SCAMP4: variants seen among roughly 807,000 people sequenced by gnomAD.
The protein encoded by SCAMP4 is secretory carrier membrane protein 4.
SCAMP4 carries 19 observed loss-of-function variants against 32.1 expected under a neutral mutation model. The ratio of observed to expected loss-of-function variants is 0.59; its 90% CI spans 0.41 to 0.87. The LOEUF (loss-of-function observed/expected upper bound fraction) is 0.87. SCAMP4 is among the 40% of genes least tolerant of loss of function. The pLI is 0.00. For missense variants in SCAMP4, 302 were observed against 309.0 expected, an observed-to-expected ratio of 0.98 and a Z score of 0.17; for synonymous variants, 152 against 132.7, an observed-to-expected ratio of 1.15 and a Z score of -1.00.
At chr19:1,922,091 A>G in intron 5 of SCAMP4, 2 of 985,442 alleles carry the variant, frequency 2.0e-6, no homozygotes, top group South Asian at 9.4e-5. Context: ...CCTGAATTTT[A>G]AACCCTGTGG....
intron 1 of SCAMP4, chr19:1,912,213 G>C: frequency 1.3e-6 from 2 of 1,592,204 alleles, no homozygotes; most frequent in Non-Finnish European, 1.7e-6. Flanking sequence ...GTCAGGGGAC[G>C]TGGAGCTGGT....
chr19:1,912,520 C>T, intron 1 of SCAMP4: 1 of 1,496,842 alleles, frequency 6.7e-7, no homozygotes. Flanking sequence ...TTCGAGGAGG[C>T]CCGGGCCCAC....
chr19:1,916,602 G>A (rs1053776539), intron 2 of SCAMP4, among the ~76,000 whole-genome samples: 13 of 152,084 alleles, frequency 8.5e-5, no homozygotes, highest in African/African-American at 2.9e-4. Flanking sequence ...GGGACCACAG[G>A]CACGCACCAC....
In SCAMP4 at chr19:1,919,160, C is replaced by T. The variant is rs980050008; in HGVS notation, c.395+170C>T. 62 of 1,439,548 alleles carry T rather than the reference C, an allele frequency of 4.3e-5. No homozygotes were observed. In the African/African-American group the frequency reaches 5.3e-4, roughly 12 times the overall value. The allele number at this position is 1,439,548 out of a possible 1,614,324, so 89.2% of individuals were successfully genotyped here. A position where few individuals can be genotyped will look rare whatever the true frequency, so the allele number is the denominator to read the frequency against. ...CAGCGCCCGCGTCCTCGCCAGCGCCCGCGTCCTCGCCAGCACCCAGCCATG... is the reference window on the plus strand; with the variant it reads ...CAGCGCCCGCGTCCTCGCCAGCGCCTGCGTCCTCGCCAGCACCCAGCCATG... On this transcript the variant is annotated intron_variant, in intron 5 of 6. Coordinates refer to ENST00000316097, the MANE Select transcript of SCAMP4 (RefSeq NM_079834.4).
At chr19:1,920,505 G>A in intron 5 of SCAMP4, 9 of 794,094 alleles carry the variant, frequency 1.1e-5, no homozygotes, top group Non-Finnish European at 1.4e-5. Flanking sequence ...GCACCCCTCG[G>A]ATGTGCCGCT....
chr19:1,913,305 G>A (rs1326342645), intron 1 of SCAMP4: 1 of 1,185,018 alleles, frequency 8.4e-7, no homozygotes, highest in African/African-American at 1.6e-5. Flanking sequence ...CCTTCCGTGC[G>A]GATCGAGCTT....
chr19:1,909,224 G>A (rs1349888994), intron 1 of SCAMP4, among the ~76,000 whole-genome samples: 1 of 152,128 alleles, frequency 6.6e-6, no homozygotes, highest in East Asian at 1.9e-4. Flanking sequence ...TGAGACTGTG[G>A]TTTGGGGGTG....
In SCAMP4 at chr19:1,917,789, G is replaced by T; in HGVS notation, c.103G>T (p.Val35Phe). Residue 35 changes from valine to phenylalanine, a missense_variant, in exon 3 of 7, where the codon GTC becomes TTC. Val to Phe is a conservative substitution (Grantham distance 50). Transcript: ENST00000316097. ...FSDEIPVEHQ[V>F]LVKRIYRLWM... is the part of the protein sequence containing the mutation. ...CGACGAGATCCCAGTGGAGCACCAG[G>T]TCCTGGTGAAGAGGATCTACCGGCT... 1 of 1,614,044 alleles carries T rather than the reference G, an allele frequency of 6.2e-7. No individual in the cohort carries two copies. The highest frequency in any genetic ancestry group is 8.5e-7 in the Non-Finnish European group (1 of 1,179,904).
At chr19:1,921,581 G>A (rs946969218) in intron 5 of SCAMP4, 3 of 985,448 alleles carry the variant, frequency 3.0e-6, no homozygotes, top group Non-Finnish European at 3.6e-6. Context: ...GGCGTGCGAT[G>A]CTGGCCAGTG....
chr19:1,915,754 G>A (rs113187012), intron 2 of SCAMP4, among the ~76,000 whole-genome samples: 16 of 151,958 alleles, frequency 1.1e-4, no homozygotes, highest in Admixed American at 9.8e-4. Context: ...AGACCATCCT[G>A]GCTAACACGG....
At chr19:1,920,894 C>T (rs944916841) in intron 5 of SCAMP4, 11 of 985,254 alleles carry the variant, frequency 1.1e-5, no homozygotes, top group South Asian at 4.7e-5. Context: ...CCTGCCCCCT[C>T]GGCCCTCGTG....
chr19:1,918,089 C>G lies in SCAMP4; in HGVS notation c.137-38C>G, dbSNP rs757642488. ...CCATGCTTTCCCACGGCCACACCCT[C>G]CCGTGCCTGCTCATCCGTCCTCCCT... On this transcript the variant is annotated intron_variant, in intron 3 of 6. Coordinates refer to ENST00000316097, the MANE Select transcript of SCAMP4 (RefSeq NM_079834.4). 4.4e-6 allele frequency: 7 copies of G among 1,584,340 alleles called. No individual in the cohort carries two copies. In the African/African-American group the frequency reaches 9.4e-5, roughly 21 times the overall value.
intron 1 of SCAMP4, chr19:1,912,195 G>T: frequency 6.3e-7 from 1 of 1,586,564 alleles, no homozygotes; most frequent in Non-Finnish European, 8.5e-7. Context: ...TGTCCTGTCC[G>T]AGAAGCAGTC....
At chr19:1,911,640 G>A (rs1227518726) in intron 1 of SCAMP4, among the ~76,000 whole-genome samples, 3 of 152,124 alleles carry the variant, frequency 2.0e-5, no homozygotes, top group South Asian at 2.1e-4. Context: ...AAAATTAGTC[G>A]GGCGTGGTGG....
intron 1 of SCAMP4, chr19:1,907,986 C>G (rs1249371863): frequency 6.4e-6 from 1 of 155,950 alleles, no homozygotes; most frequent in South Asian, 1.9e-4. Flanking sequence ...GCCCAGCCTG[C>G]AGTGTCCCGG....
chr19:1,918,904 T>G lies in SCAMP4; in HGVS notation c.309T>G (p.Phe103Leu). 6.2e-7 allele frequency: 1 copy of G among 1,610,334 alleles called. No homozygotes were observed. The highest frequency in any genetic ancestry group is 8.5e-7 in the Non-Finnish European group (1 of 1,178,292). ...CCCTCCCCAGAGCCGACAGCTCCTT[T>G]AATTTCATGGCGTTTTTCTTCATCT... ...VYKAFRADSS[F>L]NFMAFFFIFG... Residue 103 changes from phenylalanine (F) to leucine (L), a missense_variant, in exon 5 of 7, where the codon TTT (phenylalanine) becomes TTG (leucine). Coordinates refer to ENST00000316097, the MANE Select transcript of SCAMP4 (RefSeq NM_079834.4).
At chr19:1,911,697 A>T (rs988779107) in intron 1 of SCAMP4, among the ~76,000 whole-genome samples, 1 of 152,288 alleles carries the variant, frequency 6.6e-6, no homozygotes, top group African/African-American at 2.4e-5. Context: ...GCATGAGAAT[A>T]GCTTGAACCC....
intron 1 of SCAMP4, chr19:1,913,396 T>G (rs2013606799): frequency 8.2e-6 from 5 of 608,780 alleles, no homozygotes; most frequent in Non-Finnish European, 1.4e-5. Flanking sequence ...GTCCCCTCTG[T>G]CTCGCGGGCC....
At position 1,925,511 on chromosome 19, in the gene SCAMP4, C is replaced by T. The variant is rs1225119342; in HGVS notation, c.*1227C>T. ...CCCCAACTCCCCCTGGAACACCTCTCCCAGGCAAGACATTTTCACAGCACC... is the reference window on the plus strand; with the variant it reads ...CCCCAACTCCCCCTGGAACACCTCTTCCAGGCAAGACATTTTCACAGCACC... On this transcript the variant is annotated 3_prime_UTR_variant, in exon 7 of 7. Transcript: ENST00000316097. 6.5e-6 allele frequency: 1 copy of T among 153,116 alleles called. No homozygotes were observed. The highest frequency in any genetic ancestry group is 6.6e-5 in the Admixed American group (1 of 15,262). 9.5% of individuals were successfully genotyped at this position (153,116 alleles called of 1,614,324 possible).
Sources: allele counts gnomAD v4.1 joint callset (sites outside exome capture counted in the v4.1 genomes callset), GRCh38; gene constraint gnomAD v4.1.1; transcripts MANE v1.5; gene names NCBI Gene and HGNC (gene_info 2026-07-23, HGNC 2026-07-21).